The following UBE3B variants were observed in gnomAD, a reference collection of about 807,000 sequenced individuals.
UBE3B encodes ubiquitin protein ligase E3B, also known as ubiquitin-protein ligase E3B.
A neutral mutation model predicts 132.3 loss-of-function variants in UBE3B; 80 were observed. The ratio of observed to expected loss-of-function variants is 0.60; its 90% CI spans 0.50 to 0.73. The LOEUF is 0.73. Ranked by LOEUF, UBE3B falls within the 30% of genes least tolerant of loss-of-function variation. The pLI, the probability that UBE3B is intolerant of heterozygous loss-of-function variation, is 0.00. For synonymous variants in UBE3B, 487 were observed against 520.4 expected, an observed-to-expected ratio of 0.94 and a Z score of 0.87; for missense variants, 1,196 against 1,362.5, an observed-to-expected ratio of 0.88 and a Z score of 1.92.
intron 18 of UBE3B, among the ~76,000 whole-genome samples, chr12:109,516,167 C>CTTTTTTTTTTT (rs59084691): frequency 2.3e-4 from 21 of 91,120 alleles, no homozygotes; most frequent in East Asian, 6.3e-4. Context: ...TCTTTTTTTT[C>CTTTTTTTTTTT]TTTTTTTTTT....
chr12:109,507,476 A>C, intron 14 of UBE3B, 88 bp from the exon 15 acceptor site: 1 of 1,391,680 alleles, frequency 7.2e-7, no homozygotes, highest in Non-Finnish European at 9.8e-7. Flanking sequence ...GGATAGGTTT[A>C]AGTGTTTTGT....
Position 109,499,825 on chromosome 12 carries a change from C to G in UBE3B, c.1118+15C>G. ...GTGGATTATGGGTGAGTCCCAGATG[C>G]AAATCACTGTCTTTCCTGCCTCTCT... On this transcript the variant is annotated intron_variant, in intron 12 of 27. Transcript: ENST00000342494. The G allele has an allele frequency of 1.3e-6, 2 of 1,556,680 alleles. No individual in the cohort carries two copies. Among genetic ancestry groups the G allele is most frequent in the Non-Finnish European group, 1.7e-6 (2 of 1,146,800 alleles).
chr12:109,531,788 G>T (rs955971509), intron 26 of UBE3B, among the ~76,000 whole-genome samples: 12 of 152,052 alleles, frequency 7.9e-5, no homozygotes, highest in African/African-American at 2.4e-4. Flanking sequence ...TGCCTCATGG[G>T]CAAAGCAGTT....
chr12:109,497,182 A>G (rs556951279), intron 9 of UBE3B, among the ~76,000 whole-genome samples: 1 of 152,200 alleles, frequency 6.6e-6, no homozygotes, highest in African/African-American at 2.4e-5. Flanking sequence ...TAAAAAAGAA[A>G]AAAATTTCTC....
intron 1 of UBE3B, among the ~76,000 whole-genome samples, chr12:109,479,967 C>G (rs991295889): frequency 2.6e-4 from 40 of 152,146 alleles, no homozygotes; most frequent in African/African-American, 9.4e-4. Context: ...TATCATTGTG[C>G]TTGTGGCTTG....
chr12:109,488,460 C>A, intron 6 of UBE3B, 112 bp from the exon 7 acceptor site: 3 of 946,212 alleles, frequency 3.2e-6, no homozygotes, highest in Non-Finnish European at 3.4e-6. Context: ...GACTTATAAT[C>A]CTGACTCAGT....
Position 109,532,300 on chromosome 12 carries a change from G to A in UBE3B, c.2923-1166G>A, listed in dbSNP as rs1078424. On this transcript the variant is annotated intron_variant, in intron 26 of 27. Transcript: ENST00000342494. Reference sequence around the variant, plus strand: ...TTCAGGGAATGCTCGTCACAGTGTGGAAACACAAAAATGCTTCCTGCATTG... The same window carrying A: ...TTCAGGGAATGCTCGTCACAGTGTGAAAACACAAAAATGCTTCCTGCATTG... 8.5e-3 allele frequency among the ~76,000 whole-genome samples: 1,292 copies of A among 152,302 alleles called. 21 individuals are homozygous for A. The highest frequency in any genetic ancestry group is 0.029 in the African/African-American group (1,221 of 41,568).
At position 109,488,640 on chromosome 12, in the gene UBE3B, T is replaced by C. The variant is rs1876913023; in HGVS notation, c.516T>C (p.Thr172=). The change falls in exon 7 of 28, where the codon ACT becomes ACC. Residue 172 remains threonine, a synonymous_variant. Transcript: ENST00000342494. The stretch of plus-strand genomic sequence containing the variant: ...CGATGCTTGTCACCTTCACAGACAC[T>C]TCAACGTGGAAAATTCTTCGGGGAA... ...YLTMLVTFTD[T]STWKILRGKG... The C allele has an allele frequency of 6.2e-7, 1 of 1,614,034 alleles. No individual in the cohort carries two copies. Among genetic ancestry groups the C allele is most frequent in the Admixed American group, 1.7e-5 (1 of 60,010 alleles).
chr12:109,483,448 C>A, intron 2 of UBE3B, 83 bp from the exon 3 acceptor site: 1 of 1,418,058 alleles, frequency 7.1e-7, no homozygotes, highest in Non-Finnish European at 9.3e-7. Context: ...CAGGTCCCTG[C>A]CCACCCTCTG....
Position 109,490,992 on chromosome 12 carries a change from A to C in UBE3B, c.631-53A>C, listed in dbSNP as rs533414698. On this transcript the variant is annotated intron_variant, in intron 8 of 27. Coordinates refer to ENST00000342494, the MANE Select transcript of UBE3B (RefSeq NM_130466.4). Reference sequence around the variant, plus strand: ...TTTACTTTTTTGCTCTTTTATGTACAAATGAATATAAAGTTGATATCATCC... The same window carrying C: ...TTTACTTTTTTGCTCTTTTATGTACCAATGAATATAAAGTTGATATCATCC... 301 of 1,581,256 alleles carry C rather than the reference A, an allele frequency of 1.9e-4. 3 individuals are homozygous for C. Among genetic ancestry groups the C allele is most frequent in the South Asian group, 1.8e-3 (157 of 88,332 alleles).
intron 6 of UBE3B, among the ~76,000 whole-genome samples, chr12:109,487,393 A>C (rs1427929034): frequency 6.6e-6 from 1 of 152,206 alleles, no homozygotes; most frequent in Non-Finnish European, 1.5e-5. Context: ...CACAGATAGC[A>C]GCTCAGTAAT....
intron 2 of UBE3B, 94 bp from the exon 3 acceptor site, chr12:109,483,437 C>T: frequency 3.0e-6 from 4 of 1,338,378 alleles, no homozygotes; most frequent in South Asian, 3.3e-5. Flanking sequence ...TCTCTGCTGC[C>T]CAGGTCCCTG....
At chr12:109,508,646 G>A (rs1879978844) in intron 15 of UBE3B, 1 of 985,642 alleles carries the variant, frequency 1.0e-6, no homozygotes, top group Non-Finnish European at 1.2e-6. Context: ...GATCATGGAA[G>A]AACTCACTGA....
At chr12:109,501,600 C>G in intron 13 of UBE3B, 66 bp downstream of exon 13, 4 of 1,540,552 alleles carry the variant, frequency 2.6e-6, no homozygotes, top group Non-Finnish European at 3.5e-6. Flanking sequence ...CTGTTTCTTC[C>G]TATATGGATG....
chr12:109,511,212 A>G lies in UBE3B; in HGVS notation c.1865A>G (p.Lys622Arg), dbSNP rs747158016. 1.5e-5 allele frequency: 24 copies of G among 1,613,894 alleles called. No homozygotes were observed. The highest frequency in any genetic ancestry group is 1.2e-4 in the African/African-American group (9 of 74,896). ...PEDHWLRKDL[K>R]PSVLFQELDR... ...ATGTCTTTCTTCTCAAGGGATCTCAAACCTAGCGTGCTCTTCCAAGAACTC... is the reference window on the plus strand; with the variant it reads ...ATGTCTTTCTTCTCAAGGGATCTCAGACCTAGCGTGCTCTTCCAAGAACTC... The change falls in exon 18 of 28, where the codon AAA (lysine) becomes AGA (arginine). Residue 622 changes from lysine (K) to arginine (R), a missense_variant. Coordinates refer to ENST00000342494, the MANE Select transcript of UBE3B (RefSeq NM_130466.4).
chr12:109,510,179 C>G (rs966771036), intron 16 of UBE3B, among the ~76,000 whole-genome samples, 165 bp from the exon 17 acceptor site: 1 of 152,198 alleles, frequency 6.6e-6, no homozygotes, highest in African/African-American at 2.4e-5. Context: ...GCCCTGCAGA[C>G]ACTTAGCACT....
intron 9 of UBE3B, among the ~76,000 whole-genome samples, chr12:109,493,183 G>A (rs949097193): frequency 6.6e-6 from 1 of 152,188 alleles, no homozygotes; most frequent in Admixed American, 6.5e-5. Context: ...TTTCCCAGAA[G>A]CCTAAGAAAC....
chr12:109,483,775 GT>G, intron 3 of UBE3B, 63 bp downstream of exon 3: 1 of 1,580,532 alleles, frequency 6.3e-7, no homozygotes, highest in East Asian at 2.3e-5. Flanking sequence ...AGATAAATGA[GT>G]TTTTTCTCAT....
chr12:109,534,391 G>A lies in UBE3B; in HGVS notation c.3016-200G>A, dbSNP rs1883258561. 7.1e-7 allele frequency: 1 copy of A among 1,414,694 alleles called. No individual in the cohort carries two copies. The allele number at this position is 1,414,694 out of a possible 1,614,324, so 87.6% of individuals were successfully genotyped here. A position where few individuals can be genotyped will look rare whatever the true frequency, so the allele number is the denominator to read the frequency against. On this transcript the variant is annotated intron_variant, in intron 27 of 27. Coordinates refer to ENST00000342494, the MANE Select transcript of UBE3B (RefSeq NM_130466.4). This position sits in a 1 kb window ranked among gnomAD's most constrained non-coding sequence, Gnocchi z 5.2. Reference sequence around the variant, plus strand: ...AGGAATTCTCTGTGCAGGCCCCAGGGAGAAGGGGTTCCTTCTCTGGAAGCC... The same window carrying A: ...AGGAATTCTCTGTGCAGGCCCCAGGAAGAAGGGGTTCCTTCTCTGGAAGCC...
Sources: gnomAD v4.1 joint callset for allele counts (sites outside exome capture counted in the v4.1 genomes callset) on GRCh38, gnomAD v4.1.1 for gene constraint, Gnocchi (gnomAD v3.1) non-coding constraint, MANE v1.5 for transcripts, NCBI Gene and HGNC (gene_info 2026-07-23, HGNC 2026-07-21) for gene names.